The following IGF1R variants were observed in gnomAD, a reference collection of about 807,000 sequenced individuals.
IGF1R encodes the protein insulin-like growth factor 1 receptor.
A neutral mutation model predicts 144.6 loss-of-function variants in IGF1R; 44 were observed. The observed-to-expected ratio is 0.30, with a 90% CI of 0.24 to 0.39. The LOEUF is 0.39. Among genes scored for constraint, IGF1R ranks in the 10% least tolerant of loss-of-function variants. The pLI, the probability that IGF1R is intolerant of heterozygous loss-of-function variation, is 1.00. For synonymous variants in IGF1R, 795 were observed against 722.8 expected (o/e 1.10, Z -1.60); for missense variants, 1,355 against 1,833.7 (o/e 0.74, Z 4.77).
intron 20 of IGF1R, among the ~76,000 whole-genome samples, chr15:98,951,725 G>A (rs1001186921): frequency 1.8e-4 from 27 of 152,308 alleles, no homozygotes; most frequent in Non-Finnish European, 3.4e-4. Context: ...GGGCCTCTCC[G>A]TAGCACTGCC....
At chr15:98,671,891 G>T (rs1436944254) in intron 1 of IGF1R, among the ~76,000 whole-genome samples, 3 of 152,216 alleles carry the variant, frequency 2.0e-5, no homozygotes, top group Admixed American at 6.5e-5. Context: ...GACTATTTCA[G>T]TGGAATTCTT....
chr15:98,765,899 G>A (rs1255154459), intron 2 of IGF1R, among the ~76,000 whole-genome samples: 1 of 152,182 alleles, frequency 6.6e-6, no homozygotes, highest in Non-Finnish European at 1.5e-5. Context: ...GTGTTGTCCT[G>A]CTAGTGATGA....
At chr15:98,888,438 A>AGAGAGAGTGTGTGTGTGTGTGTGTGT (rs1555457179) in intron 2 of IGF1R, among the ~76,000 whole-genome samples, 1 of 143,354 alleles carries the variant, frequency 7.0e-6, no homozygotes, top group African/African-American at 2.6e-5. Context: ...AGAGAGAGAG[A>AGAGAGAGTGTGTGTGTGTGTGTGTGT]GTGTGTGTGT....
intron 2 of IGF1R, among the ~76,000 whole-genome samples, chr15:98,847,142 A>G (rs1224746479): frequency 2.0e-5 from 3 of 151,972 alleles, no homozygotes; most frequent in Non-Finnish European, 2.9e-5. Flanking sequence ...ATGCCTGGCT[A>G]TTATTTGCAT....
chr15:98,902,489 C>T (rs544631413), intron 5 of IGF1R, among the ~76,000 whole-genome samples: 14 of 146,140 alleles, frequency 9.6e-5, no homozygotes, highest in Non-Finnish European at 1.8e-4. Flanking sequence ...GCTGTCTCGG[C>T]TCACTGCACC....
intron 5 of IGF1R, among the ~76,000 whole-genome samples, chr15:98,905,241 T>C (rs893965562): frequency 2.6e-5 from 4 of 152,160 alleles, no homozygotes; most frequent in African/African-American, 9.7e-5. Flanking sequence ...GGTCTACAGA[T>C]TGGGAGATAG....
At chr15:98,933,926 C>G (rs964179152) in intron 15 of IGF1R, among the ~76,000 whole-genome samples, 4 of 152,180 alleles carry the variant, frequency 2.6e-5, no homozygotes, top group African/African-American at 7.2e-5. Flanking sequence ...CTAGAGTAAT[C>G]CTACCAATAA....
At chr15:98,870,445 A>G (rs1362681911) in intron 2 of IGF1R, among the ~76,000 whole-genome samples, 1 of 152,232 alleles carries the variant, frequency 6.6e-6, no homozygotes, top group Non-Finnish European at 1.5e-5. Context: ...CAGGCAGGTC[A>G]TTAAGGCATC....
chr15:98,793,377 A>T (rs2056169079), intron 2 of IGF1R, among the ~76,000 whole-genome samples: 1 of 152,248 alleles, frequency 6.6e-6, no homozygotes, highest in Admixed American at 6.5e-5. Flanking sequence ...AGGTTGTATC[A>T]GGGTTTATGA....
intron 2 of IGF1R, among the ~76,000 whole-genome samples, chr15:98,865,143 C>T (rs1016217579): frequency 2.0e-5 from 3 of 152,148 alleles, no homozygotes; most frequent in Non-Finnish European, 4.4e-5. Flanking sequence ...AGTTTGTGTA[C>T]TAAGTATATA....
At chr15:98,802,467 G>T (rs184424143) in intron 2 of IGF1R, among the ~76,000 whole-genome samples, 1 of 152,268 alleles carries the variant, frequency 6.6e-6, no homozygotes, top group East Asian at 1.9e-4. Flanking sequence ...CTACAGTCTT[G>T]GCCCTGAGAG....
At chr15:98,889,599 G>A (rs1435435232) in intron 2 of IGF1R, among the ~76,000 whole-genome samples, 1 of 152,176 alleles carries the variant, frequency 6.6e-6, no homozygotes, top group Non-Finnish European at 1.5e-5. Flanking sequence ...AATCTTTTAT[G>A]CCAAAAGAAA....
At chr15:98,809,552 C>T (rs1174921863) in intron 2 of IGF1R, among the ~76,000 whole-genome samples, 1 of 152,186 alleles carries the variant, frequency 6.6e-6, no homozygotes, top group African/African-American at 2.4e-5. Flanking sequence ...TGGCATTTTT[C>T]CCTCCATGTT....
intron 2 of IGF1R, among the ~76,000 whole-genome samples, chr15:98,870,679 C>G (rs761780223): frequency 6.6e-6 from 1 of 152,186 alleles, no homozygotes; most frequent in Non-Finnish European, 1.5e-5. Flanking sequence ...ACCTGGAGTA[C>G]AGGCAGACAC....
intron 2 of IGF1R, among the ~76,000 whole-genome samples, chr15:98,878,956 A>G (rs1022316389): frequency 6.6e-6 from 1 of 152,072 alleles, no homozygotes; most frequent in South Asian, 2.1e-4. Context: ...AAATTGTGCC[A>G]TTGCACTCTA....
rs1429324314 is a variant in IGF1R at position 98,891,842 on chromosome 15, G to T, written c.953+205G>T. Among the ~76,000 whole-genome samples the T allele has an allele frequency of 6.6e-6, 1 of 152,214 alleles. No individual in the cohort carries two copies. The highest frequency in any genetic ancestry group is 1.9e-4 in the East Asian group (1 of 5,200). ...GCATGGCTTACCGCCCCCCTCACCA[G>T]TTTGTTTTATATTTTAAGTGCATAC... On this transcript the variant is annotated intron_variant, in intron 3 of 20. Coordinates refer to ENST00000650285, the MANE Select transcript of IGF1R (RefSeq NM_000875.5). The surrounding 1 kb of genome is among the most constrained non-coding windows in gnomAD (Gnocchi z 4.7).
intron 2 of IGF1R, among the ~76,000 whole-genome samples, chr15:98,836,363 GAAATT>G (rs1029163494): frequency 3.3e-5 from 5 of 151,690 alleles, no homozygotes; most frequent in African/African-American, 1.2e-4. Flanking sequence ...CAAAAAAAAA[GAAATT>G]AAGTAGCCAG....
At chr15:98,786,569 T>G (rs547738982) in intron 2 of IGF1R, among the ~76,000 whole-genome samples, 35 of 152,282 alleles carry the variant, frequency 2.3e-4, no homozygotes, top group African/African-American at 8.4e-4. Flanking sequence ...ATAAGCCTAT[T>G]TCAGTCAAGT....
intron 2 of IGF1R, among the ~76,000 whole-genome samples, chr15:98,750,074 G>C (rs1462501021): frequency 6.6e-6 from 1 of 152,134 alleles, no homozygotes; most frequent in African/African-American, 2.4e-5. Context: ...ATACCATTTT[G>C]ATTCCAGTGA....
Sources: gnomAD v4.1 joint callset for allele counts (sites outside exome capture counted in the v4.1 genomes callset) on GRCh38, gnomAD v4.1.1 for gene constraint, Gnocchi (gnomAD v3.1) non-coding constraint, MANE v1.5 for transcripts, NCBI Gene and HGNC (gene_info 2026-07-23, HGNC 2026-07-21) for gene names.